LAMA3: variants seen among roughly 807,000 people sequenced by gnomAD.
The protein encoded by LAMA3 is laminin subunit alpha-3.
A neutral mutation model predicts 402.0 loss-of-function variants in LAMA3; 281 were observed. The observed-to-expected ratio is 0.70, with a 90% confidence interval of 0.63 to 0.77. The LOEUF (loss-of-function observed/expected upper bound fraction) is 0.77. LAMA3 is among the 30% of genes least tolerant of loss of function. The probability of loss-of-function intolerance (pLI) is 0.00; values close to 1 mark genes in which losing one functional copy is unlikely to be tolerated. For missense variants in LAMA3, 3,840 were observed against 4,215.5 expected (o/e 0.91, Z 2.47); for synonymous variants, 1,431 against 1,558.4 (o/e 0.92, Z 1.93).
chr18:23,820,522 C>G (rs1174685081), intron 19 of LAMA3, among the ~76,000 whole-genome samples: 1 of 152,062 alleles, frequency 6.6e-6, no homozygotes, highest in Non-Finnish European at 1.5e-5. Flanking sequence ...TTTTTCTTTT[C>G]CATATTTCTC....
chr18:23,840,135 A>T (rs962089763), intron 27 of LAMA3, among the ~76,000 whole-genome samples: 4 of 152,218 alleles, frequency 2.6e-5, no homozygotes, highest in Non-Finnish European at 4.4e-5. Context: ...GAGAACCTCT[A>T]CTGTCTTCTG....
chr18:23,847,999 A>G (rs2144641311), intron 32 of LAMA3, among the ~76,000 whole-genome samples: 1 of 152,366 alleles, frequency 6.6e-6, no homozygotes, highest in Non-Finnish European at 1.5e-5. Flanking sequence ...TGCATAATGA[A>G]GGTATCTGTG....
At chr18:23,824,395 C>T in intron 20 of LAMA3, 28 bp from the exon 21 acceptor site, 1 of 1,612,932 alleles carries the variant, frequency 6.2e-7, no homozygotes, top group South Asian at 1.1e-5. Context: ...AGAAAAATGC[C>T]TTAAGCAGTT....
At chr18:23,758,738 G>C (rs1347678983) in intron 7 of LAMA3, among the ~76,000 whole-genome samples, 2 of 152,234 alleles carry the variant, frequency 1.3e-5, no homozygotes, top group Non-Finnish European at 2.9e-5. Context: ...GACCATGCAT[G>C]ATGGGGCTCC....
At chr18:23,941,178 C>T (rs1028719376) in intron 68 of LAMA3, among the ~76,000 whole-genome samples, 10 of 151,926 alleles carry the variant, frequency 6.6e-5, no homozygotes, top group African/African-American at 1.5e-4. Context: ...CCTCGTGATC[C>T]GCCCACCTCG....
intron 54 of LAMA3, among the ~76,000 whole-genome samples, chr18:23,908,588 G>GT (rs932060983): frequency 1.1e-3 from 158 of 145,642 alleles, no homozygotes; most frequent in East Asian, 2.0e-3. Context: ...GAAAACAAAG[G>GT]TTTTTTTTTT....
chr18:23,881,275 T>G (rs2064886651), intron 39 of LAMA3, among the ~76,000 whole-genome samples: 1 of 152,246 alleles, frequency 6.6e-6, no homozygotes, highest in Admixed American at 6.5e-5. Context: ...TAGATAACAT[T>G]AATTTCTTGC....
intron 35 of LAMA3, 62 bp from the exon 36 acceptor site, chr18:23,864,723 G>A (rs953776055): frequency 1.2e-5 from 13 of 1,071,056 alleles, no homozygotes; most frequent in Non-Finnish European, 1.9e-5. Context: ...TTTTCATGCG[G>A]GTTGATGTTG....
chr18:23,812,021 G>GCC (rs2063080649), intron 13 of LAMA3, among the ~76,000 whole-genome samples: 2 of 151,890 alleles, frequency 1.3e-5, no homozygotes, highest in Non-Finnish European at 2.9e-5. Flanking sequence ...TTACAGGCAT[G>GCC]TGCCACCATG....
At chr18:23,749,577 A>T (rs760357820) in intron 4 of LAMA3, 31 bp downstream of exon 4, 3 of 1,277,688 alleles carry the variant, frequency 2.3e-6, no homozygotes, top group South Asian at 2.4e-5. Context: ...GGGAGAGATA[A>T]GACTCAGAAA....
intron 2 of LAMA3, among the ~76,000 whole-genome samples, chr18:23,723,423 T>C (rs1175987384): frequency 6.6e-6 from 1 of 152,194 alleles, no homozygotes; most frequent in Non-Finnish European, 1.5e-5. Flanking sequence ...AACATGTGTC[T>C]GTGCTATATG....
intron 8 of LAMA3, among the ~76,000 whole-genome samples, chr18:23,765,614 A>T (rs916040686): frequency 3.9e-5 from 6 of 152,190 alleles, no homozygotes; most frequent in Non-Finnish European, 7.3e-5. Flanking sequence ...GAGAAAAGAC[A>T]ATCAATAGGG....
intron 34 of LAMA3, among the ~76,000 whole-genome samples, chr18:23,860,160 C>G (rs928975904): frequency 6.6e-6 from 1 of 152,060 alleles, no homozygotes; most frequent in Non-Finnish European, 1.5e-5. Context: ...TGTTATGTCA[C>G]AATATCACAC....
intron 44 of LAMA3, chr18:23,898,525 T>C: frequency 3.4e-6 from 2 of 585,496 alleles, no homozygotes; most frequent in South Asian, 4.1e-5. Flanking sequence ...CTCTTCACAT[T>C]TGTCACATTT....
rs187148001 is a variant in LAMA3, at chr18:23,875,389, T to C, written c.4999-905T>C. The stretch of plus-strand genomic sequence containing the variant: ...CCAGATGAAAATGCATAACTTGTAT[T>C]ATACTGGAGAGAGATAATATACAGG... On this transcript the variant is annotated intron_variant, in intron 38 of 74. Transcript: ENST00000313654. 1.6e-3 allele frequency among the ~76,000 whole-genome samples: 241 copies of C among 152,294 alleles called. 1 individual carries two copies. The highest frequency in any genetic ancestry group is 5.5e-3 in the African/African-American group (230 of 41,550).
intron 12 of LAMA3, among the ~76,000 whole-genome samples, chr18:23,788,068 T>A (rs2062580540): frequency 6.6e-6 from 1 of 152,020 alleles, no homozygotes; most frequent in Non-Finnish European, 1.5e-5. Flanking sequence ...AAAGCTGTAT[T>A]GGAGTAAGAA....
At chr18:23,848,995 G>A (rs147702889) in intron 32 of LAMA3, among the ~76,000 whole-genome samples, 6 of 152,206 alleles carry the variant, frequency 3.9e-5, no homozygotes, top group South Asian at 2.1e-4. Flanking sequence ...CTCTCTGTAC[G>A]TGTCTCTGTC....
At chr18:23,740,490 G>T (rs1325304103) in intron 2 of LAMA3, among the ~76,000 whole-genome samples, 1 of 152,028 alleles carries the variant, frequency 6.6e-6, no homozygotes, top group Non-Finnish European at 1.5e-5. Flanking sequence ...CTGAGTTTTG[G>T]TGTAGGGATT....
intron 8 of LAMA3, among the ~76,000 whole-genome samples, chr18:23,773,132 A>G (rs1454693665): frequency 6.6e-6 from 1 of 152,264 alleles, no homozygotes; most frequent in African/African-American, 2.4e-5. Flanking sequence ...TGTGCGATTC[A>G]TTATCCATTC....
Sources: allele counts gnomAD v4.1 joint callset (sites outside exome capture counted in the v4.1 genomes callset), GRCh38; gene constraint gnomAD v4.1.1; transcripts MANE v1.5; gene names NCBI Gene and HGNC (gene_info 2026-07-23, HGNC 2026-07-21).